Variants in TP63 observed in about 807,000 individuals in gnomAD.
TP63 encodes tumor protein p63, also known as tumor protein 63.
In TP63, 17 loss-of-function variants were observed where a neutral mutation model predicts 82.8. The ratio of observed to expected loss-of-function variants is 0.21; its 90% CI spans 0.14 to 0.31. The LOEUF is 0.31. Ranked by LOEUF, TP63 falls within the 10% of genes least tolerant of loss-of-function variation. The pLI, the probability that TP63 is intolerant of heterozygous loss-of-function variation, is 1.00. For missense variants in TP63, 648 were observed against 895.3 expected (o/e 0.72, Z 3.52); for synonymous variants, 330 against 321.7 (o/e 1.03, Z -0.28).
intron 3 of TP63, among the ~76,000 whole-genome samples, chr3:189,742,518 C>T (rs962446586): frequency 4.6e-5 from 7 of 151,784 alleles, no homozygotes; most frequent in Non-Finnish European, 7.4e-5. Flanking sequence ...TTTGTAAATA[C>T]TTGTTGAATC....
intron 1 of TP63, among the ~76,000 whole-genome samples, chr3:189,677,683 A>G (rs1274210290): frequency 6.6e-6 from 1 of 151,952 alleles, no homozygotes; most frequent in Non-Finnish European, 1.5e-5. Context: ...ATTGTTTGCC[A>G]TAAAGGTTGC....
chr3:189,819,303 T>C (rs770295843), intron 4 of TP63, among the ~76,000 whole-genome samples: 1 of 152,108 alleles, frequency 6.6e-6, no homozygotes, highest in African/African-American at 2.4e-5. Flanking sequence ...TAAATTTTAT[T>C]ATTATTATAC....
At chr3:189,792,416 C>A (rs1435261170) in intron 3 of TP63, among the ~76,000 whole-genome samples, 2 of 151,776 alleles carry the variant, frequency 1.3e-5, no homozygotes, top group Non-Finnish European at 2.9e-5. Flanking sequence ...AACTTTCTGG[C>A]AAAACAAAAC....
chr3:189,692,005 T>A (rs947077200), intron 1 of TP63, among the ~76,000 whole-genome samples: 2 of 152,200 alleles, frequency 1.3e-5, no homozygotes, highest in African/African-American at 4.8e-5. Flanking sequence ...TCTGACACAA[T>A]TCAATGCTTT....
At chr3:189,715,588 G>T (rs1718901213) in intron 1 of TP63, among the ~76,000 whole-genome samples, 1 of 152,138 alleles carries the variant, frequency 6.6e-6, no homozygotes, top group Admixed American at 6.5e-5. Context: ...CCTTAATAAG[G>T]TCACGGGTTG....
At chr3:189,836,610 T>A (rs1037569114) in intron 4 of TP63, among the ~76,000 whole-genome samples, 2 of 152,222 alleles carry the variant, frequency 1.3e-5, no homozygotes, top group African/African-American at 4.8e-5. Flanking sequence ...TTCCCTAATT[T>A]TAATATCCCT....
At chr3:189,672,012 G>A (rs932007056) in intron 1 of TP63, among the ~76,000 whole-genome samples, 1 of 152,012 alleles carries the variant, frequency 6.6e-6, no homozygotes, top group Admixed American at 6.6e-5. Flanking sequence ...ATAATGTAGT[G>A]TATATTTTCA....
chr3:189,813,073 G>A (rs1296098924), intron 4 of TP63, among the ~76,000 whole-genome samples: 1 of 152,178 alleles, frequency 6.6e-6, no homozygotes, highest in African/African-American at 2.4e-5. Flanking sequence ...AGTGCAAGGA[G>A]AGGCCCTTTC....
At chr3:189,754,845 C>T (rs550120855) in intron 3 of TP63, among the ~76,000 whole-genome samples, 35 of 152,276 alleles carry the variant, frequency 2.3e-4, no homozygotes, top group African/African-American at 7.9e-4. Flanking sequence ...TCTTCCTATA[C>T]ATTCTCTTTT....
intron 1 of TP63, among the ~76,000 whole-genome samples, chr3:189,693,522 C>T (rs1300603473): frequency 6.6e-6 from 1 of 152,018 alleles, no homozygotes; most frequent in Non-Finnish European, 1.5e-5. Context: ...GGTTTTGCAC[C>T]AACAAATTAT....
At chr3:189,869,240 A>T in intron 8 of TP63, 84 bp from the exon 9 acceptor site, 1 of 999,412 alleles carries the variant, frequency 1.0e-6, no homozygotes, top group Non-Finnish European at 1.5e-6. Context: ...GATTAACATT[A>T]ATATTTAATT....
At chr3:189,886,607 A>G in intron 11 of TP63, 56 bp downstream of exon 11, 13 of 1,606,910 alleles carry the variant, frequency 8.1e-6, no homozygotes, top group Non-Finnish European at 1.1e-5. Flanking sequence ...GCTTAGGACA[A>G]GACTCTGTGA....
intron 13 of TP63, among the ~76,000 whole-genome samples, chr3:189,892,521 G>A (rs1221351519): frequency 6.6e-6 from 1 of 152,188 alleles, no homozygotes; most frequent in Admixed American, 6.5e-5. Flanking sequence ...GGCCGGGCAT[G>A]GTGGCTCACA....
chr3:189,692,538 A>C (rs1717016759), intron 1 of TP63, among the ~76,000 whole-genome samples: 1 of 152,158 alleles, frequency 6.6e-6, no homozygotes, highest in Admixed American at 6.5e-5. Flanking sequence ...GGCAGTAATC[A>C]CAGTGAAAAA....
intron 1 of TP63, among the ~76,000 whole-genome samples, chr3:189,691,192 A>G (rs968014218): frequency 6.6e-6 from 1 of 151,728 alleles, no homozygotes; most frequent in Non-Finnish European, 1.5e-5. Context: ...TACAAAAATT[A>G]GCCGGGCGTG....
chr3:189,688,055 A>G (rs1716589791), intron 1 of TP63, among the ~76,000 whole-genome samples: 1 of 151,840 alleles, frequency 6.6e-6, no homozygotes, highest in African/African-American at 2.4e-5. Context: ...TAATTCTGTT[A>G]GAGGAGAAGT....
chr3:189,663,957 A>G (rs1397177669), intron 1 of TP63, among the ~76,000 whole-genome samples: 2 of 152,172 alleles, frequency 1.3e-5, no homozygotes, highest in South Asian at 2.1e-4. Context: ...AAACAAATAT[A>G]TATCTATTAT....
chr3:189,821,197 A>G (rs149332719), intron 4 of TP63, among the ~76,000 whole-genome samples: 4 of 152,334 alleles, frequency 2.6e-5, no homozygotes, highest in African/African-American at 9.6e-5. Flanking sequence ...CTGTGATGTA[A>G]TTGAAGCAGT....
rs764672477 is a variant in TP63, at chr3:189,864,306, A to G, written c.654A>G (p.Pro218=). 113 of 1,613,966 alleles carry G rather than the reference A, an allele frequency of 7.0e-5. No individual in the cohort carries two copies. The highest frequency in any genetic ancestry group is 9.3e-5 in the Non-Finnish European group (110 of 1,180,020). The change falls in exon 5 of 14, where the codon CCA becomes CCG. Residue 218 remains proline (P), a synonymous_variant. Transcript: ENST00000264731. ...TCPIQIKVMT[P]PPQGAVIRAM... is the part of the protein sequence containing the mutation. Reference sequence around the variant, plus strand: ...CCATCCAGATCAAGGTGATGACCCCACCTCCTCAGGGAGCTGTTATCCGCG... The same window carrying G: ...CCATCCAGATCAAGGTGATGACCCCGCCTCCTCAGGGAGCTGTTATCCGCG...
Sources: allele counts gnomAD v4.1 joint callset (sites outside exome capture counted in the v4.1 genomes callset), GRCh38; gene constraint gnomAD v4.1.1; transcripts MANE v1.5; gene names NCBI Gene and HGNC (gene_info 2026-07-23, HGNC 2026-07-21).